PALM2AKAP2: variants seen among roughly 807,000 people sequenced by gnomAD.
The protein encoded by PALM2AKAP2 is PALM2-AKAP2 fusion protein.
In PALM2AKAP2, 37 loss-of-function variants were observed where a neutral mutation model predicts 71.5. That is an observed-to-expected ratio of 0.52 (90% CI 0.40 to 0.68). The LOEUF (loss-of-function observed/expected upper bound fraction) is 0.68. PALM2AKAP2 is among the 30% of genes least tolerant of loss of function. The pLI, the probability that PALM2AKAP2 is intolerant of heterozygous loss-of-function variation, is 0.00. For synonymous variants in PALM2AKAP2, 468 were observed against 478.8 expected (o/e 0.98, Z 0.29); for missense variants, 1,224 against 1,191.8 (o/e 1.03, Z -0.40).
intron 6 of PALM2AKAP2, among the ~76,000 whole-genome samples, chr9:109,941,231 G>A (rs1427868235): frequency 2.2e-4 from 32 of 148,272 alleles, no homozygotes; most frequent in African/African-American, 7.3e-4. Context: ...ACAGAAACAG[G>A]CTCAGGCTGT....
intron 1 of PALM2AKAP2, among the ~76,000 whole-genome samples, chr9:110,080,248 T>G (rs1260414808): frequency 6.6e-6 from 1 of 152,122 alleles, no homozygotes; most frequent in Non-Finnish European, 1.5e-5. Context: ...GTTAACCTAC[T>G]GGTGATTTGA....
upstream of PALM2AKAP2, chr9:109,780,204 C>A (rs1477028684): frequency 5.5e-6 from 5 of 909,630 alleles, no homozygotes; most frequent in South Asian, 5.0e-5. Context: ...CGGCGTCCCA[C>A]GTCCTCGGCT....
chr9:109,917,047 G>T (rs371055120), intron 3 of PALM2AKAP2, among the ~76,000 whole-genome samples: 1 of 152,314 alleles, frequency 6.6e-6, no homozygotes, highest in South Asian at 2.1e-4. Flanking sequence ...CAGTATCCTG[G>T]ATTATCTGGG....
chr9:109,896,382 TAG>T (rs752589434), intron 3 of PALM2AKAP2, among the ~76,000 whole-genome samples: 58 of 152,172 alleles, frequency 3.8e-4, no homozygotes, highest in Non-Finnish European at 7.5e-4. Context: ...CAAATATTAA[TAG>T]AGTCTGGCAG....
intron 1 of PALM2AKAP2, among the ~76,000 whole-genome samples, chr9:110,117,917 A>T (rs1481063823): frequency 6.6e-6 from 1 of 151,732 alleles, no homozygotes; most frequent in Non-Finnish European, 1.5e-5. Context: ...CAAACTATGT[A>T]TATAGAATAA....
chr9:110,047,335 A>G (rs1179964608), upstream of PALM2AKAP2, among the ~76,000 whole-genome samples: 1 of 152,206 alleles, frequency 6.6e-6, no homozygotes, highest in African/African-American at 2.4e-5. Flanking sequence ...AATAGCGCTC[A>G]AGGCAGGGAA....
intron 2 of PALM2AKAP2, among the ~76,000 whole-genome samples, chr9:109,871,660 C>T (rs938537670): frequency 6.6e-6 from 1 of 152,154 alleles, no homozygotes; most frequent in Non-Finnish European, 1.5e-5. Context: ...AACCATCATT[C>T]ACAGGGCTCA....
intron 1 of PALM2AKAP2, among the ~76,000 whole-genome samples, chr9:110,100,045 G>A (rs1358315458): frequency 1.5e-5 from 1 of 66,726 alleles, no homozygotes; most frequent in Non-Finnish European, 2.8e-5. Flanking sequence ...GCATATGTAT[G>A]TGTGTCTATA....
intron 6 of PALM2AKAP2, among the ~76,000 whole-genome samples, chr9:110,010,894 G>C (rs1832869611): frequency 6.8e-6 from 1 of 147,058 alleles, no homozygotes; most frequent in African/African-American, 2.5e-5. Context: ...TACTCAGGAG[G>C]CTGAGGCAGG....
intron 3 of PALM2AKAP2, among the ~76,000 whole-genome samples, chr9:109,897,504 C>T (rs1035703397): frequency 2.0e-5 from 3 of 151,916 alleles, no homozygotes; most frequent in African/African-American, 4.8e-5. Context: ...GCGTGAACCC[C>T]GGAGGCAGAG....
chr9:110,050,788 C>T (rs891491344), intron 1 of PALM2AKAP2, among the ~76,000 whole-genome samples: 2 of 152,132 alleles, frequency 1.3e-5, no homozygotes, highest in South Asian at 2.1e-4. Context: ...CCACCACACC[C>T]GGCTAATTTT....
chr9:109,758,088 C>A (rs1206355175), intron 1 of PALM2AKAP2, among the ~76,000 whole-genome samples: 1 of 152,058 alleles, frequency 6.6e-6, no homozygotes, highest in Non-Finnish European at 1.5e-5. Flanking sequence ...ATACATTCTC[C>A]AATCACTCCC....
intron 1 of PALM2AKAP2, among the ~76,000 whole-genome samples, chr9:109,652,662 GTTTA>G (rs1827242852): frequency 6.6e-6 from 1 of 152,260 alleles, no homozygotes; most frequent in Admixed American, 6.5e-5. Context: ...TGTCAATCAT[GTTTA>G]TTTATTAATT....
exon 4 of PALM2AKAP2, chr9:110,171,123 A>G (rs1032773831): frequency 6.6e-6 from 1 of 152,250 alleles, no homozygotes; most frequent in Non-Finnish European, 1.5e-5. Flanking sequence ...TTTGAAGGAA[A>G]CCATGTGCTT....
At chr9:110,044,730 A>G (rs925281698), upstream of PALM2AKAP2, among the ~76,000 whole-genome samples, 12 of 151,398 alleles carry the variant, frequency 7.9e-5, no homozygotes, top group African/African-American at 2.9e-4. Context: ...AGCACTTGTG[A>G]ATTACTCCCA....
At chr9:109,835,770 C>G (rs1828455661) in intron 1 of PALM2AKAP2, among the ~76,000 whole-genome samples, 1 of 152,164 alleles carries the variant, frequency 6.6e-6, no homozygotes. Context: ...GCCCATGGAG[C>G]CTTGCTCATT....
chr9:109,999,367 T>C (rs908284876), intron 6 of PALM2AKAP2, among the ~76,000 whole-genome samples: 1 of 151,144 alleles, frequency 6.6e-6, no homozygotes, highest in Non-Finnish European at 1.5e-5. Flanking sequence ...AATAAATAAA[T>C]AAATAAAATA....
intron 1 of PALM2AKAP2, among the ~76,000 whole-genome samples, chr9:109,724,632 G>A (rs1000271791): frequency 6.6e-6 from 1 of 152,132 alleles, no homozygotes; most frequent in African/African-American, 2.4e-5. Flanking sequence ...TATGTGCCTG[G>A]CATTTTTCTA....
chr9:109,860,818 T>C (rs950778081), intron 1 of PALM2AKAP2, among the ~76,000 whole-genome samples: 33 of 152,206 alleles, frequency 2.2e-4, no homozygotes, highest in Admixed American at 1.3e-4. Context: ...ACTTTACCTC[T>C]TTCTCTGATT....
Sources: allele counts gnomAD v4.1 joint callset (sites outside exome capture counted in the v4.1 genomes callset), GRCh38; gene constraint gnomAD v4.1.1; transcripts MANE v1.5; gene names NCBI Gene and HGNC (gene_info 2026-07-23, HGNC 2026-07-21).